The following PACS2 variants were observed in gnomAD, a reference collection of about 807,000 sequenced individuals.
PACS2 encodes the protein phosphofurin acidic cluster sorting protein 2, also known as PACS1-like protein.
A neutral mutation model predicts 113.0 loss-of-function variants in PACS2; 36 were observed. The observed-to-expected ratio is 0.32, with a 90% CI of 0.24 to 0.42. The LOEUF is 0.42. PACS2 is among the 10% of genes least tolerant of loss of function. The pLI, the probability that PACS2 is intolerant of heterozygous loss-of-function variation, is 1.00. For synonymous variants in PACS2, 589 were observed against 536.1 expected (o/e 1.10, Z -1.36); for missense variants, 1,015 against 1,239.5 (o/e 0.82, Z 2.72).
rs587615352 is a variant in PACS2 at position 105,357,050 on chromosome 14, C to T, written c.423+1873C>T. 2.6e-5 allele frequency among the ~76,000 whole-genome samples: 4 copies of T among 152,304 alleles called. No individual in the cohort carries two copies. Among genetic ancestry groups the T allele is most frequent in the African/African-American group, 9.6e-5 (4 of 41,570 alleles). Reference sequence around the variant, plus strand: ...GATGTCCTGCTGATCCCTGCCGGTCCCTGTGAGCTCCTGCCCCAGGCTGCT... The same window carrying T: ...GATGTCCTGCTGATCCCTGCCGGTCTCTGTGAGCTCCTGCCCCAGGCTGCT... On this transcript the variant is annotated intron_variant, in intron 4 of 24. Coordinates refer to ENST00000447393, the MANE Select transcript of PACS2 (RefSeq NM_001100913.3). The surrounding 1 kb of genome is among the most constrained non-coding windows in gnomAD (Gnocchi z 5.1).
intron 9 of PACS2, among the ~76,000 whole-genome samples, chr14:105,377,647 A>G (rs1018570356): frequency 6.6e-6 from 1 of 152,168 alleles, no homozygotes; most frequent in Non-Finnish European, 1.5e-5. Context: ...TGCATGTTGG[A>G]GGCGCGGCCC....
chr14:105,352,595 C>T, intron 3 of PACS2, 128 bp downstream of exon 3: 1 of 566,714 alleles, frequency 1.8e-6, no homozygotes, highest in East Asian at 3.0e-5. Flanking sequence ...GGGCCCCCCT[C>T]ATCAGTGTCC....
chr14:105,331,918 G>C (rs917836481), intron 1 of PACS2, among the ~76,000 whole-genome samples: 1 of 152,206 alleles, frequency 6.6e-6, no homozygotes, highest in Non-Finnish European at 1.5e-5. Context: ...TAGGTTGACA[G>C]TTTTGTCTCC....
At chr14:105,342,676 G>A (rs2059778771) in intron 1 of PACS2, among the ~76,000 whole-genome samples, 1 of 151,898 alleles carries the variant, frequency 6.6e-6, no homozygotes, top group South Asian at 2.1e-4. Context: ...GCTCACGCCT[G>A]TAATCCTAGC....
intron 1 of PACS2, among the ~76,000 whole-genome samples, chr14:105,320,688 T>G (rs2058850333): frequency 6.6e-6 from 1 of 152,224 alleles, no homozygotes. Context: ...GACTTCTGCA[T>G]GTGTGTCTGG....
Position 105,366,507 on chromosome 14 carries a change from C to T in PACS2, c.424-706C>T, listed in dbSNP as rs777151382. On this transcript the variant is annotated intron_variant, in intron 4 of 24. Transcript: ENST00000447393. This position sits in a 1 kb window ranked among gnomAD's most constrained non-coding sequence, Gnocchi z 4.3. The stretch of plus-strand genomic sequence containing the variant: ...GTGGTTCTGAGGCTGGCGTGGGGCA[C>T]GGCGGGGCTGTGCCTGGGTACAGGT... Among the ~76,000 whole-genome samples, 46 of 152,286 alleles carry T rather than the reference C, an allele frequency of 3.0e-4. No individual in the cohort carries two copies. Among genetic ancestry groups the T allele is most frequent in the African/African-American group, 1.0e-3 (43 of 41,568 alleles).
chr14:105,318,312 A>G (rs2140813590), intron 1 of PACS2, among the ~76,000 whole-genome samples: 1 of 152,040 alleles, frequency 6.6e-6, no homozygotes, highest in South Asian at 2.1e-4. Context: ...ACAGAGCCTC[A>G]CTTTGTGGCC....
At chr14:105,338,896 C>T (rs1187831585) in intron 1 of PACS2, among the ~76,000 whole-genome samples, 1 of 152,208 alleles carries the variant, frequency 6.6e-6, no homozygotes, top group Non-Finnish European at 1.5e-5. Context: ...TCTTCCTACT[C>T]TCTCCCCTCC....
At chr14:105,371,698 G>A (rs2061160795) in intron 8 of PACS2, 1 of 152,184 alleles carries the variant, frequency 6.6e-6, no homozygotes, top group Non-Finnish European at 1.5e-5. Flanking sequence ...CAACCCTCAG[G>A]GGGCAGGAGA....
At chr14:105,359,047 G>A (rs2060567599) in intron 4 of PACS2, among the ~76,000 whole-genome samples, 1 of 152,164 alleles carries the variant, frequency 6.6e-6, no homozygotes, top group Non-Finnish European at 1.5e-5. Flanking sequence ...TGAACTCAGT[G>A]TGGCCCAGGT....
chr14:105,378,715 A>G (rs1234757794), intron 9 of PACS2, among the ~76,000 whole-genome samples: 1 of 152,168 alleles, frequency 6.6e-6, no homozygotes. Flanking sequence ...CTCCTGTCAA[A>G]TTTTTTTCAC....
rs910473634 is a variant in PACS2 at position 105,354,997 on chromosome 14, A to G, written c.298-55A>G. On this transcript the variant is annotated intron_variant, in intron 3 of 24. Coordinates refer to ENST00000447393, the MANE Select transcript of PACS2 (RefSeq NM_001100913.3). This position sits in a 1 kb window ranked among gnomAD's most constrained non-coding sequence, Gnocchi z 4.2. ...GGTGGCTGGGCCGTCAGAGGCCGTG[A>G]TGCTGCCTGGGGCCCCGGTGCACCC... is the stretch of plus-strand genomic sequence containing the variant. 1.3e-6 allele frequency: 2 copies of G among 1,591,448 alleles called. No individual in the cohort carries two copies. The highest frequency in any genetic ancestry group is 1.7e-6 in the Non-Finnish European group (2 of 1,167,712).
chr14:105,379,731 T>C lies in PACS2; in HGVS notation c.960-8T>C, dbSNP rs1555411417. On this transcript the variant is annotated splice_region_variant and splice_polypyrimidine_tract_variant and intron_variant, in intron 9 of 24. Transcript: ENST00000447393. The stretch of plus-strand genomic sequence containing the variant: ...TAACGTGTCCCCCACCCCTGTTCCC[T>C]GAGCCAGGCCATACTTTGAAGGCCT... 6.2e-7 allele frequency: 1 copy of C among 1,612,684 alleles called. No homozygotes were observed. Among genetic ancestry groups the C allele is most frequent in the Admixed American group, 1.7e-5 (1 of 60,012 alleles).
In PACS2 at chr14:105,366,960, C is replaced by T. The variant is rs587697218; in HGVS notation, c.424-253C>T. Among the ~76,000 whole-genome samples the T allele has an allele frequency of 3.2e-4, 49 of 152,266 alleles. 1 individual carries two copies. The highest frequency in any genetic ancestry group is 1.1e-3 in the African/African-American group (47 of 41,550). On this transcript the variant is annotated intron_variant, in intron 4 of 24. Coordinates refer to ENST00000447393, the MANE Select transcript of PACS2 (RefSeq NM_001100913.3). The surrounding 1 kb of genome is among the most constrained non-coding windows in gnomAD (Gnocchi z 4.3). ...AGCCCAGTGCCCTCTGCTTATGGCC[C>T]GTTCGTGAAAGCTCCCACGTGTTCC...
upstream of PACS2, among the ~76,000 whole-genome samples, chr14:105,310,337 T>A: frequency 6.6e-6 from 1 of 151,324 alleles, no homozygotes; most frequent in Non-Finnish European, 1.5e-5. Flanking sequence ...AAGACCATCC[T>A]GGCTAACACG....
rs1555403264 is a variant in PACS2 at position 105,348,961 on chromosome 14, G to C, written c.207+381G>C. On this transcript the variant is annotated intron_variant, in intron 2 of 24. Coordinates refer to ENST00000447393, the MANE Select transcript of PACS2 (RefSeq NM_001100913.3). This position sits in a 1 kb window ranked among gnomAD's most constrained non-coding sequence, Gnocchi z 6.4. Reference sequence around the variant, plus strand: ...AGGGCGTCGGTGGGAGAGGGGAGCAGGGCACTCTGGGAGGCGAGGGCCTAG... The same window carrying C: ...AGGGCGTCGGTGGGAGAGGGGAGCACGGCACTCTGGGAGGCGAGGGCCTAG... 6.6e-6 allele frequency among the ~76,000 whole-genome samples: 1 copy of C among 152,174 alleles called. No homozygotes were observed. The highest frequency in any genetic ancestry group is 1.5e-5 in the Non-Finnish European group (1 of 68,016).
intron 4 of PACS2, among the ~76,000 whole-genome samples, chr14:105,364,174 C>G (rs1458287388): frequency 6.6e-6 from 1 of 152,240 alleles, no homozygotes; most frequent in African/African-American, 2.4e-5. Flanking sequence ...AAAAGTGGCG[C>G]TGATAGACTT....
intron 5 of PACS2, 105 bp downstream of exon 5, chr14:105,367,480 G>C: frequency 8.6e-7 from 1 of 1,156,450 alleles, no homozygotes; most frequent in Non-Finnish European, 1.3e-6. Context: ...TTAAGGAGTT[G>C]GGGGTCCGGA....
Position 105,376,664 on chromosome 14 carries a change from G to C in PACS2, c.802-104G>C, listed in dbSNP as rs1405756988. On this transcript the variant is annotated intron_variant, in intron 8 of 24. Coordinates refer to ENST00000447393, the MANE Select transcript of PACS2 (RefSeq NM_001100913.3). The surrounding 1 kb of genome is among the most constrained non-coding windows in gnomAD (Gnocchi z 4.7). ...CTGAGTGGAGGGGTTTGGTGGCTGG[G>C]TGCCCGCCTCCTATTGCTCCTGCAG... 7.5e-6 allele frequency: 8 copies of C among 1,073,584 alleles called. No homozygotes were observed. Among genetic ancestry groups the C allele is most frequent in the African/African-American group, 1.6e-5 (1 of 62,600 alleles). The allele number at this position is 1,073,584 out of a possible 1,614,324, so 66.5% of individuals were successfully genotyped here.
Sources: gnomAD v4.1 joint callset for allele counts (sites outside exome capture counted in the v4.1 genomes callset) on GRCh38, gnomAD v4.1.1 for gene constraint, Gnocchi (gnomAD v3.1) non-coding constraint, MANE v1.5 for transcripts, NCBI Gene and HGNC (gene_info 2026-07-23, HGNC 2026-07-21) for gene names.